MAN2B2: variants seen among roughly 807,000 people sequenced by gnomAD.
MAN2B2 encodes the protein epididymis-specific alpha-mannosidase.
MAN2B2 carries 106 observed loss-of-function variants against 117.1 expected under a neutral mutation model. The ratio of observed to expected loss-of-function variants is 0.90; its 90% confidence interval spans 0.77 to 1.06. The LOEUF is 1.06. Among genes scored for constraint, MAN2B2 ranks in the 50% least tolerant of loss-of-function variants. The pLI is 0.00. For missense variants in MAN2B2, 1,326 were observed against 1,381.4 expected, an observed-to-expected ratio of 0.96 and a Z score of 0.64; for synonymous variants, 544 against 595.1, an observed-to-expected ratio of 0.91 and a Z score of 1.25.
intron 15 of MAN2B2, 28 bp downstream of exon 15, chr4:6,611,306 T>C: frequency 6.4e-7 from 1 of 1,568,362 alleles, no homozygotes; most frequent in South Asian, 1.2e-5. Context: ...CAGAGTAACA[T>C]CATCACTGCC....
rs190137231 is a variant in MAN2B2, at chr4:6,611,276, C to G, written c.2561C>G (p.Ala854Gly). The change falls in exon 15 of 19, where the codon GCT becomes GGT. Residue 854 changes from alanine to glycine, a missense_variant and splice_region_variant. By Grantham distance (60) the Ala-to-Gly change is moderately conservative. Coordinates refer to ENST00000285599, the MANE Select transcript of MAN2B2 (RefSeq NM_015274.3). ...CCCGTGGTGCTGTTCGGAGACCTCG[C>G]TGGTAAAGGGGCACCCTTTCAGAGT... is the stretch of plus-strand genomic sequence containing the variant. ...HRPVVLFGDL[A>G]GTAPKLPGPQ... is the part of the protein sequence containing the mutation. 1.3e-6 allele frequency: 2 copies of G among 1,596,676 alleles called. No individual in the cohort carries two copies. The highest frequency in any genetic ancestry group is 1.1e-5 in the South Asian group (1 of 88,944).
chr4:6,613,189 C>T (rs73798304), intron 15 of MAN2B2, among the ~76,000 whole-genome samples: 2,698 of 152,302 alleles, frequency 0.018, 70 homozygotes, highest in African/African-American at 0.058. Context: ...GTAGCTCCAG[C>T]TGAACATCTA....
chr4:6,575,225 C>G lies in MAN2B2; in HGVS notation c.15C>G (p.Cys5Trp). Residue 5 changes from cysteine (C) to tryptophan (W), a missense_variant, in exon 1 of 19, where the codon TGC (cysteine) becomes TGG (tryptophan). Physicochemically the swap from Cys to Trp is radical, Grantham distance 215. Coordinates refer to ENST00000285599, the MANE Select transcript of MAN2B2 (RefSeq NM_015274.3). The stretch of plus-strand genomic sequence containing the variant: ...CTGCCGCAGGGATGGGGCAGCTGTG[C>G]TGGCTGCCGCTGCTGGCACCGCTCC... MGQL[C>W]WLPLLAPLLL... The G allele has an allele frequency of 6.6e-7, 1 of 1,518,496 alleles. No individual in the cohort carries two copies. The highest frequency in any genetic ancestry group is 8.8e-7 in the Non-Finnish European group (1 of 1,130,610). The allele number at this position is 1,518,496 out of a possible 1,614,324, so 94.1% of individuals were successfully genotyped here.
chr4:6,595,931 C>T (rs1282697055), intron 7 of MAN2B2, among the ~76,000 whole-genome samples: 1 of 152,172 alleles, frequency 6.6e-6, no homozygotes, highest in African/African-American at 2.4e-5. Context: ...ACATTGGAGG[C>T]AGGTGGGGCT....
Position 6,605,163 on chromosome 4 carries a change from G to T in MAN2B2, c.1648G>T (p.Glu550Ter). The stretch of plus-strand genomic sequence containing the variant: ...CATCAGACCCACTGCAGGGGCCCAA[G>T]AGGGCACCCAGGAGCCGGCTGCCAC... ...YNIRPTAGAQEGTQEPAATVA... is the reference protein window; with the variant it reads ...YNIRPTAGAQ Residue 550 changes from glutamate (E) to a stop codon, truncating the protein, a stop_gained, in exon 11 of 19, where the codon GAG becomes TAG. Coordinates refer to ENST00000285599, the MANE Select transcript of MAN2B2 (RefSeq NM_015274.3). LOFTEE classifies it high-confidence loss of function. 4.3e-6 allele frequency: 7 copies of T among 1,614,234 alleles called. No homozygotes were observed. Among genetic ancestry groups the T allele is most frequent in the Non-Finnish European group, 5.9e-6 (7 of 1,180,038 alleles).
chr4:6,602,603 T>G (rs1410204987), intron 10 of MAN2B2, among the ~76,000 whole-genome samples: 1 of 151,928 alleles, frequency 6.6e-6, no homozygotes, highest in Non-Finnish European at 1.5e-5. Context: ...AGTTAGGAGG[T>G]GGCATTAGCC....
chr4:6,579,328 C>A (rs918262790), intron 3 of MAN2B2, among the ~76,000 whole-genome samples: 3 of 85,004 alleles, frequency 3.5e-5, no homozygotes, highest in Admixed American at 1.2e-4. Context: ...ATCACCACCA[C>A]CACCACCACC....
chr4:6,579,204 TCAC>T (rs1560634680), intron 3 of MAN2B2, among the ~76,000 whole-genome samples: 1 of 25,718 alleles, frequency 3.9e-5, no homozygotes, highest in African/African-American at 1.3e-4. Flanking sequence ...ACCACCACCA[TCAC>T]CATCACCACC....
At chr4:6,611,702 G>A (rs1412322165) in intron 15 of MAN2B2, among the ~76,000 whole-genome samples, 3 of 152,218 alleles carry the variant, frequency 2.0e-5, no homozygotes, top group Non-Finnish European at 2.9e-5. Context: ...ACTGAGGCAG[G>A]AGAATCGCTT....
intron 3 of MAN2B2, among the ~76,000 whole-genome samples, chr4:6,583,851 C>T (rs1026359274): frequency 7.9e-5 from 12 of 152,348 alleles, no homozygotes; most frequent in East Asian, 1.9e-4. Flanking sequence ...CTGGGCTACC[C>T]GCACTCACAG....
At chr4:6,617,029 A>ATGTCTT in intron 16 of MAN2B2, among the ~76,000 whole-genome samples, 1 of 152,348 alleles carries the variant, frequency 6.6e-6, no homozygotes, top group South Asian at 2.1e-4. Flanking sequence ...GGCAGAAGGC[A>ATGTCTT]AATGAGGAGC....
At chr4:6,604,889 G>A (rs141544329) in intron 10 of MAN2B2, among the ~76,000 whole-genome samples, 166 bp from the exon 11 acceptor site, 100 of 152,202 alleles carry the variant, frequency 6.6e-4, no homozygotes, top group Non-Finnish European at 1.3e-3. Context: ...GGACTGATGT[G>A]GTTTGTGGGG....
rs948315685 is a variant in MAN2B2, at chr4:6,617,493, G to A, written c.2814+1G>A. 44 of 1,613,926 alleles carry A rather than the reference G, an allele frequency of 2.7e-5. No homozygotes were observed. The highest frequency in any genetic ancestry group is 3.3e-5 in the Admixed American group (2 of 59,996). On this transcript the variant is annotated splice_donor_variant, in intron 17 of 18. Coordinates refer to ENST00000285599, the MANE Select transcript of MAN2B2 (RefSeq NM_015274.3). LOFTEE classifies it high-confidence loss of function. The stretch of plus-strand genomic sequence containing the variant: ...TCAGCCAGTGACAGTGAATCTGGAG[G>A]TGAACTTCCCCACCCCCATCCAGAC...
chr4:6,577,234 C>T (rs1039958913), intron 2 of MAN2B2, among the ~76,000 whole-genome samples: 3 of 152,162 alleles, frequency 2.0e-5, no homozygotes, highest in African/African-American at 4.8e-5. Flanking sequence ...GCTCCCGCAC[C>T]AGGGGACACG....
chr4:6,617,555 A>G (rs1203213222), intron 17 of MAN2B2, 63 bp downstream of exon 17: 2 of 1,594,618 alleles, frequency 1.3e-6, no homozygotes, highest in Admixed American at 3.6e-5. Flanking sequence ...TGAAGCCCCA[A>G]GAAACTGCCT....
intron 3 of MAN2B2, among the ~76,000 whole-genome samples, chr4:6,579,422 C>CCAT (rs1726333445): frequency 7.1e-6 from 1 of 141,348 alleles, no homozygotes; most frequent in South Asian, 2.5e-4. Flanking sequence ...ACCATCACCA[C>CCAT]CACCATCACC....
At chr4:6,612,021 A>G (rs1056679691) in intron 15 of MAN2B2, among the ~76,000 whole-genome samples, 1 of 152,240 alleles carries the variant, frequency 6.6e-6, no homozygotes, top group African/African-American at 2.4e-5. Flanking sequence ...TGCAAGACCT[A>G]GATACAATTT....
At chr4:6,594,829 C>T in intron 7 of MAN2B2, 97 bp downstream of exon 7, 1 of 1,282,486 alleles carries the variant, frequency 7.8e-7, no homozygotes, top group African/African-American at 1.5e-5. Flanking sequence ...GCACTGCTCT[C>T]CAAGCCCTGG....
At chr4:6,614,787 C>T (rs10019800) in intron 16 of MAN2B2, among the ~76,000 whole-genome samples, 28,268 of 152,218 alleles carry the variant, frequency 0.19, 4,843 homozygotes, top group African/African-American at 0.45. Flanking sequence ...TTCAACAGCA[C>T]GTCTCGTGCC....
Sources: gnomAD v4.1 joint callset for allele counts (sites outside exome capture counted in the v4.1 genomes callset) on GRCh38, gnomAD v4.1.1 for gene constraint, MANE v1.5 for transcripts, NCBI Gene and HGNC (gene_info 2026-07-23, HGNC 2026-07-21) for gene names.